Variants in FYB1 observed in about 807,000 individuals in gnomAD.
FYB1 encodes the protein FYN-binding protein 1.
FYB1 carries 41 observed loss-of-function variants against 94.1 expected under a neutral mutation model. The ratio of observed to expected loss-of-function variants is 0.44; its 90% CI spans 0.34 to 0.57. The LOEUF (loss-of-function observed/expected upper bound fraction) is 0.57. Ranked by LOEUF, FYB1 falls within the 20% of genes least tolerant of loss-of-function variation. FYB1 has a pLI of 0.02. For synonymous variants in FYB1, 367 were observed against 353.2 expected (o/e 1.04, Z -0.44); for missense variants, 1,050 against 976.8 (o/e 1.07, Z -1.00).
chr5:39,218,811 C>G (rs1750076612), intron 1 of FYB1, among the ~76,000 whole-genome samples: 1 of 152,204 alleles, frequency 6.6e-6, no homozygotes, highest in South Asian at 2.1e-4. Context: ...GTATACAAGA[C>G]AGCCAAAGGC....
rs530834547 is a variant in FYB1 at position 39,107,482 on chromosome 5, C to A, written c.2468-17G>T. On this transcript the variant is annotated splice_polypyrimidine_tract_variant and intron_variant, in intron 18 of 18. Transcript: ENST00000512982. ...AGATGCAGCCTGAAAGGAAAAAATA[C>A]AAATTTAAATATAGTTATTAAAAAC... 2.0e-6 allele frequency: 3 copies of A among 1,495,708 alleles called. No homozygotes were observed. The highest frequency in any genetic ancestry group is 1.4e-5 in the African/African-American group (1 of 71,480). The allele number at this position is 1,495,708 out of a possible 1,614,324, so 92.7% of individuals were successfully genotyped here. A position where few individuals can be genotyped will look rare whatever the true frequency, so the allele number is the denominator to read the frequency against.
chr5:39,207,317 T>C (rs528559063), intron 1 of FYB1, among the ~76,000 whole-genome samples: 24 of 152,304 alleles, frequency 1.6e-4, no homozygotes, highest in Admixed American at 2.6e-4. Flanking sequence ...GTAGAAAATC[T>C]CTTCATAGAA....
chr5:39,224,952 A>G (rs375994311), intron 1 of FYB1, among the ~76,000 whole-genome samples: 1 of 152,212 alleles, frequency 6.6e-6, no homozygotes, highest in Non-Finnish European at 1.5e-5. Flanking sequence ...TATTACGGAA[A>G]GTTATAAGGG....
intron 1 of FYB1, among the ~76,000 whole-genome samples, chr5:39,249,882 T>C (rs1162080786): frequency 6.6e-6 from 1 of 152,146 alleles, no homozygotes; most frequent in Non-Finnish European, 1.5e-5. Flanking sequence ...CCAAATCTCA[T>C]CTCAAATTGT....
chr5:39,195,178 G>A (rs915529060), intron 2 of FYB1, among the ~76,000 whole-genome samples: 2 of 152,078 alleles, frequency 1.3e-5, no homozygotes, highest in Non-Finnish European at 1.5e-5. Flanking sequence ...ATGTTCTTAC[G>A]TTCCCAGTGC....
At chr5:39,232,608 G>C (rs897543697) in intron 1 of FYB1, among the ~76,000 whole-genome samples, 3 of 150,314 alleles carry the variant, frequency 2.0e-5, no homozygotes, top group African/African-American at 7.4e-5. Context: ...GGGTACATGT[G>C]CACATTGTGC....
chr5:39,223,240 T>A (rs1326348511), upstream of FYB1, among the ~76,000 whole-genome samples: 2 of 152,182 alleles, frequency 1.3e-5, no homozygotes, highest in Non-Finnish European at 2.9e-5. Context: ...GGAGAATTAA[T>A]GTAAGACTTT....
chr5:39,222,709 G>A (rs556210443), upstream of FYB1, among the ~76,000 whole-genome samples: 7 of 152,178 alleles, frequency 4.6e-5, no homozygotes, highest in South Asian at 2.1e-4. Flanking sequence ...CGAAATAAGC[G>A]GAAGTATAGA....
In FYB1 at chr5:39,260,474, G is replaced by T. The variant is rs116387169; in HGVS notation, c.-28+13929C>A. ...CTCCTGTTTTAAATTGATACTAGGA[G>T]TACCAAGCAGGATAAGTAAAAATAA... On this transcript the variant is annotated intron_variant, in intron 1 of 1. Coordinates refer to the FYB1 transcript ENST00000510188. Among the ~76,000 whole-genome samples the T allele has an allele frequency of 7.3e-3, 1,118 of 152,226 alleles. 13 individuals are homozygous for T. Among genetic ancestry groups the T allele is most frequent in the Non-Finnish European group, 0.011 (771 of 68,016 alleles).
intron 2 of FYB1, among the ~76,000 whole-genome samples, chr5:39,167,197 G>A (rs563658964): frequency 2.9e-4 from 44 of 152,260 alleles, no homozygotes; most frequent in Non-Finnish European, 5.1e-4. Flanking sequence ...GAGAGCGAGC[G>A]TTTTGAAATG....
At chr5:39,193,401 T>C (rs1194180151) in intron 2 of FYB1, among the ~76,000 whole-genome samples, 1 of 152,030 alleles carries the variant, frequency 6.6e-6, no homozygotes, top group Non-Finnish European at 1.5e-5. Flanking sequence ...AAAAAGAAAA[T>C]AAGTCAAGGC....
At chr5:39,154,817 C>T (rs1743602043) in intron 2 of FYB1, among the ~76,000 whole-genome samples, 1 of 152,164 alleles carries the variant, frequency 6.6e-6, no homozygotes, top group African/African-American at 2.4e-5. Context: ...TGGTCTTGAA[C>T]TCTTGACCTT....
intron 2 of FYB1, among the ~76,000 whole-genome samples, chr5:39,177,398 G>A (rs961985251): frequency 1.1e-4 from 17 of 152,166 alleles, no homozygotes; most frequent in Admixed American, 9.2e-4. Flanking sequence ...CTCAGGGGTG[G>A]TCTAATTCAA....
intron 16 of FYB1, 95 bp downstream of exon 16, chr5:39,118,779 G>T: frequency 1.4e-6 from 1 of 722,258 alleles, no homozygotes; most frequent in Non-Finnish European, 2.1e-6. Flanking sequence ...ATAGATAAGA[G>T]TTAGTAAACA....
chr5:39,197,247 T>G (rs1436063715), intron 2 of FYB1, among the ~76,000 whole-genome samples: 1 of 152,228 alleles, frequency 6.6e-6, no homozygotes, highest in African/African-American at 2.4e-5. Context: ...CTATTAAATC[T>G]TAGTGAATAA....
intron 1 of FYB1, among the ~76,000 whole-genome samples, chr5:39,271,332 A>T (rs897037406): frequency 6.6e-6 from 1 of 152,224 alleles, no homozygotes; most frequent in African/African-American, 2.4e-5. Flanking sequence ...TTTGATCCCA[A>T]GTAGTCAGAC....
intron 1 of FYB1, among the ~76,000 whole-genome samples, chr5:39,207,405 G>T (rs1352259558): frequency 6.6e-6 from 1 of 152,102 alleles, no homozygotes; most frequent in Non-Finnish European, 1.5e-5. Flanking sequence ...TTTTACATTT[G>T]CCACAGACCT....
intron 7 of FYB1, among the ~76,000 whole-genome samples, chr5:39,135,598 A>C (rs1415529438): frequency 1.3e-5 from 2 of 152,192 alleles, no homozygotes; most frequent in African/African-American, 4.8e-5. Flanking sequence ...TAAACTCTTA[A>C]TTTTCTAATC....
At chr5:39,170,645 T>C (rs1745172002) in intron 2 of FYB1, among the ~76,000 whole-genome samples, 1 of 151,922 alleles carries the variant, frequency 6.6e-6, no homozygotes, top group Non-Finnish European at 1.5e-5. Context: ...GTCATTATTA[T>C]TTGCCTACAG....
Sources: gnomAD v4.1 joint callset for allele counts (sites outside exome capture counted in the v4.1 genomes callset) on GRCh38, gnomAD v4.1.1 for gene constraint, MANE v1.5 for transcripts, NCBI Gene and HGNC (gene_info 2026-07-23, HGNC 2026-07-21) for gene names.